SYT2: variants seen among roughly 807,000 people sequenced by gnomAD.
SYT2 encodes synaptotagmin 2.
In SYT2, 15 loss-of-function variants were observed where a neutral mutation model predicts 39.9. The observed-to-expected ratio is 0.38, with a 90% CI of 0.25 to 0.58. The LOEUF is 0.58. Among genes scored for constraint, SYT2 ranks in the 20% least tolerant of loss-of-function variants. The pLI is 0.70. For missense variants in SYT2, 389 were observed against 530.3 expected (o/e 0.73, Z 2.62); for synonymous variants, 181 against 204.5 (o/e 0.89, Z 0.98).
At chr1:202,675,420 T>G (rs1482733140) in intron 1 of SYT2, among the ~76,000 whole-genome samples, 1 of 150,548 alleles carries the variant, frequency 6.6e-6, no homozygotes, top group Non-Finnish European at 1.5e-5. Flanking sequence ...GAAAATTATG[T>G]GAAGACTATT....
intron 1 of SYT2, 128 bp from the exon 2 acceptor site, chr1:202,605,917 T>C: frequency 1.6e-6 from 1 of 625,376 alleles, no homozygotes; most frequent in East Asian, 2.8e-5. Context: ...TTAACAACTG[T>C]AGTAAACCAA....
intron 8 of SYT2, among the ~76,000 whole-genome samples, chr1:202,598,138 C>G (rs558621078): frequency 2.8e-4 from 43 of 152,234 alleles, no homozygotes; most frequent in Non-Finnish European, 5.9e-4. Context: ...TTAGGAAATG[C>G]TCAGTAAAGT....
intron 1 of SYT2, among the ~76,000 whole-genome samples, chr1:202,610,339 A>G (rs1376049982): frequency 6.6e-6 from 1 of 152,146 alleles, no homozygotes; most frequent in African/African-American, 2.4e-5. Flanking sequence ...CAGCTTTGCT[A>G]TCTATGACAA....
chr1:202,640,399 C>T (rs1691869508), intron 1 of SYT2, among the ~76,000 whole-genome samples: 1 of 152,328 alleles, frequency 6.6e-6, no homozygotes, highest in East Asian at 1.9e-4. Context: ...TAAGGTCACA[C>T]AGCAAGTCTA....
intron 1 of SYT2, among the ~76,000 whole-genome samples, chr1:202,626,082 T>C (rs79160323): frequency 0.11 from 16,702 of 152,120 alleles, 1,684 homozygotes; most frequent in African/African-American, 0.26. Flanking sequence ...TGTGAGAAGC[T>C]CCAGGGAAGG....
At chr1:202,666,916 A>T (rs1692490519) in intron 1 of SYT2, among the ~76,000 whole-genome samples, 1 of 152,212 alleles carries the variant, frequency 6.6e-6, no homozygotes, top group African/African-American at 2.4e-5. Flanking sequence ...CAGGAGGTAG[A>T]GGTTGCAATG....
At chr1:202,612,855 C>T (rs1473716577) in intron 1 of SYT2, among the ~76,000 whole-genome samples, 1 of 152,220 alleles carries the variant, frequency 6.6e-6, no homozygotes, top group Non-Finnish European at 1.5e-5. Context: ...CTTATTTAGA[C>T]CTTTAATTTC....
intron 1 of SYT2, among the ~76,000 whole-genome samples, chr1:202,642,544 G>A (rs1181043027): frequency 6.6e-6 from 1 of 152,130 alleles, no homozygotes; most frequent in South Asian, 2.1e-4. Context: ...GGATCCCCGC[G>A]AGCCTGCTTC....
Position 202,623,199 on chromosome 1 carries a change from G to A in SYT2, c.-17-17410C>T, listed in dbSNP as rs1315254370. On this transcript the variant is annotated intron_variant, in intron 1 of 8. Coordinates refer to ENST00000367268, the MANE Select transcript of SYT2 (RefSeq NM_177402.5). This position sits in a 1 kb window ranked among gnomAD's most constrained non-coding sequence, Gnocchi z 4.2. ...GGATCACAACTTGAAACAGGACAGA[G>A]AAGCCCGCCATCCCCATGGGAGAGG... Among the ~76,000 whole-genome samples the A allele has an allele frequency of 2.6e-5, 4 of 152,062 alleles. No homozygotes were observed. The highest frequency in any genetic ancestry group is 2.6e-4 in the Admixed American group (4 of 15,288).
In SYT2 at chr1:202,592,776, T is replaced by TA. The variant is rs1373457700; in HGVS notation, c.*3980_*3981insT. ...CAAATCCTTGGGGTTCCTGGCCCCT[T>TA]GGGACCAAAGGGAGAGGGGGAAAAG... On this transcript the variant is annotated 3_prime_UTR_variant, in exon 9 of 9. Transcript: ENST00000367268. 6.6e-6 allele frequency: 1 copy of TA among 152,228 alleles called. No homozygotes were observed. The highest frequency in any genetic ancestry group is 2.4e-5 in the African/African-American group (1 of 41,458). The allele number at this position is 152,228 out of a possible 1,614,324, so 9.4% of individuals were successfully genotyped here. A position where few individuals can be genotyped will look rare whatever the true frequency, so the allele number is the denominator to read the frequency against.
At chr1:202,629,926 G>C (rs1432039655) in intron 1 of SYT2, among the ~76,000 whole-genome samples, 1 of 123,194 alleles carries the variant, frequency 8.1e-6, no homozygotes, top group Non-Finnish European at 1.9e-5. Context: ...GAAGTCACTA[G>C]CACAAAAGGA....
At chr1:202,690,074 G>A (rs577228244) in intron 1 of SYT2, among the ~76,000 whole-genome samples, 13 of 148,748 alleles carry the variant, frequency 8.7e-5, no homozygotes, top group African/African-American at 2.2e-4. Flanking sequence ...AGCTGGGGAC[G>A]CAGCAACGGA....
intron 1 of SYT2, among the ~76,000 whole-genome samples, chr1:202,690,294 G>T (rs983248064): frequency 6.6e-6 from 1 of 152,092 alleles, no homozygotes; most frequent in African/African-American, 2.4e-5. Context: ...TCACAATGAA[G>T]ATTTCCAAGA....
intron 1 of SYT2, among the ~76,000 whole-genome samples, chr1:202,668,518 C>A (rs1692522891): frequency 1.3e-5 from 2 of 152,104 alleles, no homozygotes; most frequent in African/African-American, 4.8e-5. Context: ...AGCTCTGGGG[C>A]AAATAGAGAG....
At chr1:202,627,355 G>C (rs1159899819) in intron 1 of SYT2, 1 of 658,974 alleles carries the variant, frequency 1.5e-6, no homozygotes. Context: ...AAATGGAGGA[G>C]GTGGGGGATC....
chr1:202,634,921 T>C (rs1024556866), intron 1 of SYT2, among the ~76,000 whole-genome samples: 3 of 152,192 alleles, frequency 2.0e-5, no homozygotes, highest in Non-Finnish European at 4.4e-5. Context: ...ATGGAGTTCC[T>C]TTTCAGGGGT....
chr1:202,625,311 G>A (rs868732490), intron 1 of SYT2, among the ~76,000 whole-genome samples: 13 of 73,152 alleles, frequency 1.8e-4, no homozygotes, highest in African/African-American at 5.1e-4. Context: ...GTGTCTGTGT[G>A]GTGTGTGTGT....
intron 1 of SYT2, among the ~76,000 whole-genome samples, chr1:202,657,671 T>G (rs1189770773): frequency 1.3e-5 from 2 of 151,880 alleles, no homozygotes. Context: ...GCCTCCCCCT[T>G]CCCCTGGTTT....
chr1:202,603,241 G>A, intron 3 of SYT2, 123 bp from the exon 4 acceptor site: 1 of 1,357,100 alleles, frequency 7.4e-7, no homozygotes, highest in Non-Finnish European at 1.0e-6. Flanking sequence ...TGTGTGTGGT[G>A]GGAACACAAG....
Sources: gnomAD v4.1 joint callset for allele counts (sites outside exome capture counted in the v4.1 genomes callset) on GRCh38, gnomAD v4.1.1 for gene constraint, Gnocchi (gnomAD v3.1) non-coding constraint, MANE v1.5 for transcripts, NCBI Gene and HGNC (gene_info 2026-07-23, HGNC 2026-07-21) for gene names.